HECW2: variants seen among roughly 807,000 people sequenced by gnomAD.
HECW2 encodes E3 ubiquitin-protein ligase HECW2.
In HECW2, 61 loss-of-function variants were observed where a neutral mutation model predicts 175.2. The ratio of observed to expected loss-of-function variants is 0.35; its 90% confidence interval spans 0.28 to 0.43. The LOEUF (loss-of-function observed/expected upper bound fraction) is 0.43, where lower values mean the gene tolerates loss of function less well. Ranked by LOEUF, HECW2 falls within the 20% of genes least tolerant of loss-of-function variation. The pLI is 1.00. For synonymous variants in HECW2, 671 were observed against 731.0 expected, an observed-to-expected ratio of 0.92 and a Z score of 1.32; for missense variants, 1,524 against 2,000.5, an observed-to-expected ratio of 0.76 and a Z score of 4.54.
chr2:196,227,560 A>G (rs1201594132), intron 22 of HECW2, among the ~76,000 whole-genome samples: 1 of 49,144 alleles, frequency 2.0e-5, no homozygotes, highest in East Asian at 5.6e-4. Flanking sequence ...CCCTTCTACC[A>G]TCAATGCCCC....
chr2:196,551,044 G>T (rs1374432589), intron 1 of HECW2, among the ~76,000 whole-genome samples: 2 of 152,166 alleles, frequency 1.3e-5, no homozygotes, highest in African/African-American at 2.4e-5. Flanking sequence ...TTCCAATTAG[G>T]ATGAAATCTA....
intron 2 of HECW2, among the ~76,000 whole-genome samples, chr2:196,413,013 T>C (rs1423715537): frequency 6.6e-6 from 1 of 152,176 alleles, no homozygotes; most frequent in African/African-American, 2.4e-5. Flanking sequence ...GGTGGCACAG[T>C]TAATCAGGTG....
At chr2:196,443,080 C>T (rs370363058) in intron 1 of HECW2, among the ~76,000 whole-genome samples, 17 of 152,104 alleles carry the variant, frequency 1.1e-4, no homozygotes, top group East Asian at 5.8e-4. Flanking sequence ...CCTAAACATC[C>T]GTCCTTTCTC....
chr2:196,307,785 T>G (rs1409760240), intron 11 of HECW2, 150 bp downstream of exon 11: 12 of 646,096 alleles, frequency 1.9e-5, no homozygotes, highest in African/African-American at 3.6e-5. Context: ...AGAAGTCCAA[T>G]TGAAGTCTGG....
intron 2 of HECW2, among the ~76,000 whole-genome samples, chr2:196,376,000 T>C (rs947684891): frequency 3.3e-5 from 5 of 152,242 alleles, no homozygotes; most frequent in African/African-American, 1.2e-4. Context: ...CAATTCCCTC[T>C]ATCAGTCTAC....
chr2:196,240,203 C>T (rs1688395743), intron 21 of HECW2: 3 of 314,088 alleles, frequency 9.6e-6, no homozygotes, highest in Non-Finnish European at 1.7e-5. Flanking sequence ...AGAGAAGAAA[C>T]TGAACTAGGC....
intron 1 of HECW2, among the ~76,000 whole-genome samples, chr2:196,550,039 A>G (rs1361933025): frequency 6.6e-6 from 1 of 152,220 alleles, no homozygotes; most frequent in African/African-American, 2.4e-5. Context: ...GACTGTGCTG[A>G]CTTTAGAGGC....
At chr2:196,548,040 C>A (rs1156563093) in intron 1 of HECW2, among the ~76,000 whole-genome samples, 1 of 152,088 alleles carries the variant, frequency 6.6e-6, no homozygotes, top group East Asian at 1.9e-4. Flanking sequence ...AGTAAGAAAT[C>A]CACTATGGGC....
intron 13 of HECW2, among the ~76,000 whole-genome samples, chr2:196,297,943 G>A (rs1457015464): frequency 6.6e-6 from 1 of 152,098 alleles, no homozygotes; most frequent in Non-Finnish European, 1.5e-5. Context: ...AAATGGAAGG[G>A]AATTTTCACA....
At chr2:196,429,652 A>G (rs7598389) in intron 2 of HECW2, among the ~76,000 whole-genome samples, 4,151 of 152,296 alleles carry the variant, frequency 0.027, 195 homozygotes, top group African/African-American at 0.094. Flanking sequence ...TCTCAGAGAA[A>G]AGAGAAACTT....
At chr2:196,552,577 T>G (rs1203274287) in intron 1 of HECW2, among the ~76,000 whole-genome samples, 1 of 152,254 alleles carries the variant, frequency 6.6e-6, no homozygotes, top group Non-Finnish European at 1.5e-5. Context: ...AAAACAGTTC[T>G]TTTATTGTTC....
intron 13 of HECW2, among the ~76,000 whole-genome samples, chr2:196,305,977 G>A (rs13016354): frequency 0.038 from 5,814 of 152,044 alleles, 149 homozygotes; most frequent in South Asian, 0.089. Flanking sequence ...TCCTGTTATG[G>A]GTCCGATGTT....
intron 1 of HECW2, among the ~76,000 whole-genome samples, chr2:196,551,339 A>T (rs1406555417): frequency 6.6e-6 from 1 of 152,244 alleles, no homozygotes; most frequent in Non-Finnish European, 1.5e-5. Context: ...TTAAGTGAAA[A>T]GAAATAGTAA....
Position 196,557,972 on chromosome 2 carries a change from A to G in HECW2, c.-36+35536T>C, listed in dbSNP as rs542278264. On this transcript the variant is annotated intron_variant, in intron 1 of 28. Coordinates refer to ENST00000644978, the MANE Select transcript of HECW2 (RefSeq NM_001348768.2). ...CACGATTATAAAATATGTTTATGGC[A>G]TGCCAAGCACCATATACTAAACACT... Among the ~76,000 whole-genome samples the G allele has an allele frequency of 7.2e-4, 109 of 152,352 alleles. 2 individuals carry two copies. Among genetic ancestry groups the G allele is most frequent in the African/African-American group, 2.2e-3 (90 of 41,582 alleles).
At chr2:196,237,166 A>G (rs1194965505) in intron 21 of HECW2, among the ~76,000 whole-genome samples, 1 of 151,886 alleles carries the variant, frequency 6.6e-6, no homozygotes, top group Non-Finnish European at 1.5e-5. Context: ...CTACCTTGAG[A>G]GCAGTGATTC....
chr2:196,279,189 C>A (rs548457042), intron 14 of HECW2, among the ~76,000 whole-genome samples: 41 of 152,212 alleles, frequency 2.7e-4, no homozygotes, highest in African/African-American at 8.9e-4. Context: ...GCTGGGACTA[C>A]AGGCGCCCAC....
At chr2:196,223,000 C>T (rs1429748010) in intron 23 of HECW2, among the ~76,000 whole-genome samples, 1 of 152,062 alleles carries the variant, frequency 6.6e-6, no homozygotes, top group South Asian at 2.1e-4. Flanking sequence ...CCCAGTTGTA[C>T]AGTGGTAGTC....
At position 196,531,471 on chromosome 2, in the gene HECW2, C is replaced by T. The variant is rs139672529; in HGVS notation, c.-36+62037G>A. 1.0e-3 allele frequency among the ~76,000 whole-genome samples: 159 copies of T among 152,218 alleles called. 1 individual carries two copies. The highest frequency in any genetic ancestry group is 3.6e-3 in the African/African-American group (150 of 41,536). On this transcript the variant is annotated intron_variant, in intron 1 of 28. Transcript: ENST00000644978. Reference sequence around the variant, plus strand: ...AGGAGTTCGAGACCAGCCTGGCCAACATAATGAAACCCCGTCTCTAATAAA... The same window carrying T: ...AGGAGTTCGAGACCAGCCTGGCCAATATAATGAAACCCCGTCTCTAATAAA...
Position 196,278,601 on chromosome 2 carries a change from T to C in HECW2, c.3062A>G (p.Gln1021Arg). Reference protein sequence around the residue: ...TTFIDPRLPLQSSRPTSALVH... With the variant: ...TTFIDPRLPLRSSRPTSALVH... ...CAGCGCACTTGTGGGTCTACTGCTC[T>C]GAAGTGGGAGCCGGGGATCAATGAA... Residue 1021 changes from glutamine (Q) to arginine (R), a missense_variant, in exon 15 of 29, where the codon CAG becomes CGG. Around this residue, in one of 11 missense-constraint regions of HECW2, gnomAD observed 291 missense variants for 412.2 expected, o/e 0.71. Coordinates refer to ENST00000644978, the MANE Select transcript of HECW2 (RefSeq NM_001348768.2). The C allele has an allele frequency of 6.2e-7, 1 of 1,614,080 alleles. No individual in the cohort carries two copies. Among genetic ancestry groups the C allele is most frequent in the Non-Finnish European group, 8.5e-7 (1 of 1,180,000 alleles).
Sources: gnomAD v4.1 joint callset for allele counts (sites outside exome capture counted in the v4.1 genomes callset) on GRCh38, gnomAD v4.1.1 for gene constraint, gnomAD v4.1.1 regional missense constraint, MANE v1.5 for transcripts, NCBI Gene and HGNC (gene_info 2026-07-23, HGNC 2026-07-21) for gene names.